Variants in SLC8A1 observed in about 807,000 individuals in gnomAD.
The protein encoded by SLC8A1 is sodium/calcium exchanger 1.
A neutral mutation model predicts 68.3 loss-of-function variants in SLC8A1; 18 were observed. The ratio of observed to expected loss-of-function variants is 0.26; its 90% CI spans 0.18 to 0.39. The LOEUF is 0.39. Among genes scored for constraint, SLC8A1 ranks in the 10% least tolerant of loss-of-function variants. The pLI is 1.00. For synonymous variants in SLC8A1, 475 were observed against 415.5 expected (o/e 1.14, Z -1.74); for missense variants, 985 against 1,156.7 (o/e 0.85, Z 2.15).
chr2:40,428,430 C>CACACACACAT lies in SLC8A1; in HGVS notation c.1808+42_1808+43insATGTGTGTGT, dbSNP rs1009969325. The CACACACACAT allele has an allele frequency of 1.3e-5, 14 of 1,076,682 alleles. No individual in the cohort carries two copies. The African/African-American group carries it at 2.2e-4, about 17-fold the overall frequency. 66.7% of individuals were successfully genotyped at this position (1,076,682 alleles called of 1,614,324 possible). A position where few individuals can be genotyped will look rare whatever the true frequency, so the allele number is the denominator to read the frequency against. ...ATTCATAAACACACTGAACCACACA[C>CACACACACAT]ACACACACACACACACACACACATA... On this transcript the variant is annotated intron_variant, in intron 2 of 7. Coordinates refer to ENST00000406785, the Ensembl canonical transcript of SLC8A1.
intron 2 of SLC8A1, among the ~76,000 whole-genome samples, chr2:40,393,085 A>G (rs754784491): frequency 3.3e-5 from 5 of 152,070 alleles, no homozygotes; most frequent in Non-Finnish European, 5.9e-5. Flanking sequence ...GAACTCATTC[A>G]GATTTTAAAA....
chr2:40,361,445 G>C (rs1257825031), intron 2 of SLC8A1, among the ~76,000 whole-genome samples: 4 of 148,662 alleles, frequency 2.7e-5, no homozygotes, highest in Non-Finnish European at 4.4e-5. Flanking sequence ...ATGCACATTA[G>C]TAGAGCTCCT....
intron 2 of SLC8A1, among the ~76,000 whole-genome samples, chr2:40,352,184 C>G (rs572991661): frequency 6.6e-6 from 1 of 152,066 alleles, no homozygotes; most frequent in Non-Finnish European, 1.5e-5. Context: ...AAGGAACTTG[C>G]AGTTGTATTG....
intron 1 of SLC8A1, among the ~76,000 whole-genome samples, chr2:40,483,480 C>T (rs1288656690): frequency 2.6e-5 from 4 of 152,096 alleles, no homozygotes; most frequent in Admixed American, 1.3e-4. Flanking sequence ...AGAGAAAGCA[C>T]AATCCTAACC....
intron 2 of SLC8A1, among the ~76,000 whole-genome samples, chr2:40,248,957 C>T (rs548402957): frequency 2.0e-5 from 3 of 152,194 alleles, no homozygotes; most frequent in Non-Finnish European, 4.4e-5. Context: ...TTTGATTCCA[C>T]ATCACCAGGG....
rs779668065 is a variant in SLC8A1, at chr2:40,416,054, T to TAAAAA, written c.1808+12414_1808+12418dup. On this transcript the variant is annotated intron_variant, in intron 2 of 7. Transcript: ENST00000406785. ...TGACAGATTGAGCGAGGCTCTGTTT[T>TAAAAA]AAAAAAAAAAAAAAAAAAAAAGCAA... Among the ~76,000 whole-genome samples the TAAAAA allele has an allele frequency of 2.4e-4, 28 of 116,258 alleles. 1 individual carries two copies. Among genetic ancestry groups the TAAAAA allele is most frequent in the African/African-American group, 4.8e-4 (15 of 30,988 alleles). The allele number at this position is 116,258 out of a possible 152,430, so 76.3% of individuals were successfully genotyped here. A position where few individuals can be genotyped will look rare whatever the true frequency, so the allele number is the denominator to read the frequency against.
At chr2:40,455,101 C>G (rs1292347302), upstream of SLC8A1, among the ~76,000 whole-genome samples, 1 of 152,176 alleles carries the variant, frequency 6.6e-6, no homozygotes, top group Non-Finnish European at 1.5e-5. Flanking sequence ...ACAGGGATAT[C>G]ACTAAGATTT....
chr2:40,462,771 G>A (rs2149894848), intron 1 of SLC8A1, among the ~76,000 whole-genome samples: 1 of 152,070 alleles, frequency 6.6e-6, no homozygotes, highest in Non-Finnish European at 1.5e-5. Context: ...TTACGCCACT[G>A]CCCTTAGCCT....
At chr2:40,342,366 G>T (rs1667969961) in intron 2 of SLC8A1, among the ~76,000 whole-genome samples, 1 of 152,026 alleles carries the variant, frequency 6.6e-6, no homozygotes, top group Non-Finnish European at 1.5e-5. Context: ...TTTGATGTAG[G>T]CAAATCATAT....
intron 2 of SLC8A1, among the ~76,000 whole-genome samples, chr2:40,346,343 G>T (rs1669298746): frequency 6.6e-6 from 1 of 152,098 alleles, no homozygotes; most frequent in Admixed American, 6.6e-5. Flanking sequence ...AAACGGACTT[G>T]AATCCATGCT....
intron 2 of SLC8A1, among the ~76,000 whole-genome samples, chr2:40,179,686 T>A (rs970554234): frequency 2.0e-5 from 3 of 152,056 alleles, no homozygotes; most frequent in South Asian, 2.1e-4. Context: ...TTTGGTGGAG[T>A]TTTTTAGGTC....
intron 6 of SLC8A1, among the ~76,000 whole-genome samples, chr2:40,154,499 T>TG (rs2044087625): frequency 7.4e-6 from 1 of 134,500 alleles, no homozygotes; most frequent in African/African-American, 2.7e-5. Context: ...TTTTTTTTTT[T>TG]TGTATTTTTA....
At chr2:40,325,440 G>T (rs187613029) in intron 2 of SLC8A1, among the ~76,000 whole-genome samples, 2 of 152,136 alleles carry the variant, frequency 1.3e-5, no homozygotes, top group African/African-American at 4.8e-5. Flanking sequence ...GAAAGGCTAG[G>T]CATAATGACT....
chr2:40,284,482 T>C (rs1349580106), intron 2 of SLC8A1, among the ~76,000 whole-genome samples: 2 of 147,224 alleles, frequency 1.4e-5, no homozygotes, highest in African/African-American at 2.5e-5. Context: ...TAGATATGTA[T>C]GTATACATAC....
Position 40,458,837 on chromosome 2 carries a change from A to G in SLC8A1, c.-24-28533T>C, listed in dbSNP as rs1348878199. On this transcript the variant is annotated intron_variant, in intron 1 of 7. Transcript: ENST00000402441. ...AGGGTTCACTAGGCATGGGGTTTATAAGCATTATTCTTGTATTCTTATTTA... is the reference window on the plus strand; with the variant it reads ...AGGGTTCACTAGGCATGGGGTTTATGAGCATTATTCTTGTATTCTTATTTA... 2.0e-5 allele frequency among the ~76,000 whole-genome samples: 3 copies of G among 152,328 alleles called. No individual in the cohort carries two copies. The South Asian group carries it at 6.2e-4, about 32-fold the overall frequency.
chr2:40,146,434 C>T (rs569162874), intron 6 of SLC8A1, among the ~76,000 whole-genome samples: 1 of 152,338 alleles, frequency 6.6e-6, no homozygotes, highest in African/African-American at 2.4e-5. Context: ...GCCCCATCCC[C>T]TAGGCCAGTG....
intron 2 of SLC8A1, among the ~76,000 whole-genome samples, chr2:40,181,375 A>G (rs1023462130): frequency 5.9e-5 from 9 of 152,244 alleles, no homozygotes; most frequent in South Asian, 2.1e-4. Flanking sequence ...ATCCCTAGTC[A>G]TAGGATCACA....
intron 1 of SLC8A1, among the ~76,000 whole-genome samples, chr2:40,511,892 G>A (rs1706751302): frequency 6.6e-6 from 1 of 152,096 alleles, no homozygotes; most frequent in Admixed American, 6.6e-5. Context: ...TTTACAAGCA[G>A]CTCTTCCTAT....
rs180737720 is a variant in SLC8A1, at chr2:40,207,411, T to A, written c.1809-29556A>T. Among the ~76,000 whole-genome samples the A allele has an allele frequency of 5.9e-5, 9 of 152,210 alleles. No individual in the cohort carries two copies. In the East Asian group the frequency reaches 1.7e-3, roughly 29 times the overall value. ...TGAATGGCAATATATTGGATGGTCT[T>A]ATCTATAACTTTCTCATTTTTCCTA... On this transcript the variant is annotated intron_variant, in intron 2 of 7. Coordinates refer to ENST00000406785, the Ensembl canonical transcript of SLC8A1.
Sources: allele counts gnomAD v4.1 joint callset (sites outside exome capture counted in the v4.1 genomes callset), GRCh38; gene constraint gnomAD v4.1.1; transcripts MANE v1.5; gene names NCBI Gene and HGNC (gene_info 2026-07-23, HGNC 2026-07-21).